The following ZNF787 variants were observed in gnomAD, a reference collection of about 807,000 sequenced individuals.
ZNF787 encodes the protein zinc finger protein 787.
In ZNF787, 7 loss-of-function variants were observed where a neutral mutation model predicts 16.9. That is an observed-to-expected ratio of 0.42 (90% confidence interval 0.24 to 0.78). The LOEUF (loss-of-function observed/expected upper bound fraction) is 0.78. ZNF787 is among the 30% of genes least tolerant of loss of function. The pLI is 0.30. For missense variants in ZNF787, 551 were observed against 589.3 expected, an observed-to-expected ratio of 0.94 and a Z score of 0.67; for synonymous variants, 345 against 270.9, an observed-to-expected ratio of 1.27 and a Z score of -2.69.
chr19:56,088,010 C>A lies in ZNF787; in HGVS notation c.*13G>T. Reference sequence around the variant, plus strand: ...CGAGGGGCCCTGCCCGCCCCCCCCCCCGGGCCCCTCCCCTACCGGCCCTCC... The same window carrying A: ...CGAGGGGCCCTGCCCGCCCCCCCCCACGGGCCCCTCCCCTACCGGCCCTCC... On this transcript the variant is annotated 3_prime_UTR_variant, in exon 3 of 3. Transcript: ENST00000610935. The surrounding 1 kb of genome is among the most constrained non-coding windows in gnomAD (Gnocchi z 8.6). The A allele has an allele frequency of 8.5e-7, 1 of 1,179,438 alleles. No individual in the cohort carries two copies. The highest frequency in any genetic ancestry group is 1.1e-6 in the Non-Finnish European group (1 of 951,014). The allele number at this position is 1,179,438 out of a possible 1,614,324, so 73.1% of individuals were successfully genotyped here.
Position 56,088,096 on chromosome 19 carries a change from C to G in ZNF787, c.1076G>C (p.Gly359Ala), listed in dbSNP as rs745357409. The G allele has an allele frequency of 6.6e-7, 1 of 1,518,510 alleles. No individual in the cohort carries two copies. The highest frequency in any genetic ancestry group is 8.8e-7 in the Non-Finnish European group (1 of 1,141,484). The allele number at this position is 1,518,510 out of a possible 1,614,324, so 94.1% of individuals were successfully genotyped here. The change falls in exon 3 of 3, where the codon GGG (glycine) becomes GCG (alanine). Residue 359 changes from glycine (G) to alanine (A), a missense_variant. Coordinates refer to ENST00000610935, the MANE Select transcript of ZNF787 (RefSeq NM_001002836.4). This position sits in a 1 kb window ranked among gnomAD's most constrained non-coding sequence, Gnocchi z 8.6. ...CTCGTCGTCGTCGTCCTCCTCCTCC[C>G]CGCCCGCGCGGTAGTAGCTCTGTCC... ...SCGQSYYRAG[G>A]EEEDDDDEAA... is the part of the protein sequence containing the mutation.
At chr19:56,092,982 C>T (rs946467161) in intron 2 of ZNF787, among the ~76,000 whole-genome samples, 6 of 149,058 alleles carry the variant, frequency 4.0e-5, no homozygotes, top group African/African-American at 1.3e-4. Flanking sequence ...CACGAGATGG[C>T]GGAAGTGGGA....
chr19:56,087,840 C>CGGGCCCTAAT lies in ZNF787; in HGVS notation c.*173_*182dup, dbSNP rs1005747702. On this transcript the variant is annotated 3_prime_UTR_variant, in exon 3 of 3. Transcript: ENST00000610935. ...CAGAGTCTCGAGGCGGAGAAGTGAA[C>CGGGCCCTAAT]GGGCCCTAATACGCCCCAGTGCCCC... The CGGGCCCTAAT allele has an allele frequency of 2.2e-5, 21 of 971,034 alleles. No individual in the cohort carries two copies. The African/African-American group carries it at 3.6e-4, about 17-fold the overall frequency. 60.2% of individuals were successfully genotyped at this position (971,034 alleles called of 1,614,324 possible).
chr19:56,105,995 C>T (rs1986294390), intron 1 of ZNF787, among the ~76,000 whole-genome samples: 1 of 145,052 alleles, frequency 6.9e-6, no homozygotes, highest in South Asian at 2.2e-4. Context: ...CCCCTCCGCG[C>T]CCACGGCAGT....
At chr19:56,099,263 G>A (rs1985999678) in intron 2 of ZNF787, among the ~76,000 whole-genome samples, 1 of 152,214 alleles carries the variant, frequency 6.6e-6, no homozygotes, top group Admixed American at 6.5e-5. Context: ...CCCCAAGACG[G>A]GACCCTCTGG....
Position 56,088,002 on chromosome 19 carries a change from C to CCCCCCGAGGGGCCCTGCCCG in ZNF787, c.*20_*21insCGGGCAGGGCCCCTCGGGGG, listed in dbSNP as rs1985378171. 1 of 45,538 alleles carries CCCCCCGAGGGGCCCTGCCCG rather than the reference C, an allele frequency of 2.2e-5. No individual in the cohort carries two copies. Among genetic ancestry groups the CCCCCCGAGGGGCCCTGCCCG allele is most frequent in the Non-Finnish European group, 4.2e-5 (1 of 23,934 alleles). 2.8% of individuals were successfully genotyped at this position (45,538 alleles called of 1,614,324 possible). On this transcript the variant is annotated 3_prime_UTR_variant, in exon 3 of 3. Coordinates refer to ENST00000610935, the MANE Select transcript of ZNF787 (RefSeq NM_001002836.4). The surrounding 1 kb of genome is among the most constrained non-coding windows in gnomAD (Gnocchi z 8.6). ...GCCAAGCCCGAGGGGCCCTGCCCGC[C>CCCCCCGAGGGGCCCTGCCCG]CCCCCCCCCGGGCCCCTCCCCTACC...
At chr19:56,096,849 G>A (rs927740267) in intron 2 of ZNF787, among the ~76,000 whole-genome samples, 11 of 152,204 alleles carry the variant, frequency 7.2e-5, no homozygotes, top group Non-Finnish European at 1.5e-4. Flanking sequence ...TTTCCTGTTG[G>A]CACCGCTCCC....
chr19:56,094,473 CTTTTT>C (rs57458324), intron 2 of ZNF787, among the ~76,000 whole-genome samples: 1 of 146,162 alleles, frequency 6.8e-6, no homozygotes, highest in African/African-American at 2.5e-5. Flanking sequence ...CACGCCCCGC[CTTTTT>C]TTTTTTTCTC....
chr19:56,113,596 C>G (rs1198489462), intron 1 of ZNF787, among the ~76,000 whole-genome samples: 1 of 152,026 alleles, frequency 6.6e-6, no homozygotes. Flanking sequence ...AAAACAAGCC[C>G]GATGCAGAAC....
chr19:56,108,488 T>C (rs557611196), intron 1 of ZNF787, among the ~76,000 whole-genome samples: 1 of 151,474 alleles, frequency 6.6e-6, no homozygotes, highest in African/African-American at 2.4e-5. Context: ...GAGGGCCACC[T>C]CCTCAGGGTC....
Position 56,087,883 on chromosome 19 carries a change from G to C in ZNF787, c.*140C>G. 8.0e-7 allele frequency: 1 copy of C among 1,257,502 alleles called. No homozygotes were observed. The highest frequency in any genetic ancestry group is 1.0e-6 in the Non-Finnish European group (1 of 995,588). The allele number at this position is 1,257,502 out of a possible 1,614,324, so 77.9% of individuals were successfully genotyped here. A position where few individuals can be genotyped will look rare whatever the true frequency, so the allele number is the denominator to read the frequency against. ...AGTGCCCCCCCACGGACGGCGCAGGGACAGAGGAGGGCGGGGAGCCGGGGA... is the reference window on the plus strand; with the variant it reads ...AGTGCCCCCCCACGGACGGCGCAGGCACAGAGGAGGGCGGGGAGCCGGGGA... On this transcript the variant is annotated 3_prime_UTR_variant, in exon 3 of 3. Transcript: ENST00000610935.
At chr19:56,110,911 C>A (rs1191576430) in intron 1 of ZNF787, among the ~76,000 whole-genome samples, 1 of 152,232 alleles carries the variant, frequency 6.6e-6, no homozygotes, top group Non-Finnish European at 1.5e-5. Context: ...AGGCACAAGG[C>A]ATGATTCCTG....
At chr19:56,111,967 G>C (rs980530970) in intron 1 of ZNF787, among the ~76,000 whole-genome samples, 1 of 152,154 alleles carries the variant, frequency 6.6e-6, no homozygotes, top group Admixed American at 6.5e-5. Flanking sequence ...GTTAAGACGG[G>C]TGTTCATTCA....
At position 56,088,983 on chromosome 19, in the gene ZNF787, G is replaced by A. The variant is rs1408379412; in HGVS notation, c.189C>T (p.Pro63=). ...PAGPPPRPRP[P]APYICNECGK... is the part of the protein sequence containing the mutation. ...CACACTCGTTGCAGATGTAGGGGGC[G>A]GGCGGCCGCGGCCGGGGAGGCGGGC... Residue 63 remains proline, a synonymous_variant, in exon 3 of 3, where the codon CCC becomes CCT. Transcript: ENST00000610935. This position sits in a 1 kb window ranked among gnomAD's most constrained non-coding sequence, Gnocchi z 8.6. 11 of 1,505,576 alleles carry A rather than the reference G, an allele frequency of 7.3e-6. No homozygotes were observed. The highest frequency in any genetic ancestry group is 8.9e-6 in the Non-Finnish European group (10 of 1,128,956). 93.3% of individuals were successfully genotyped at this position (1,505,576 alleles called of 1,614,324 possible).
At chr19:56,113,803 T>A (rs1055746809) in intron 1 of ZNF787, among the ~76,000 whole-genome samples, 2 of 152,136 alleles carry the variant, frequency 1.3e-5, no homozygotes, top group African/African-American at 4.8e-5. Context: ...AATCAGTGAA[T>A]ACACTAAAAA....
At chr19:56,113,861 G>T (rs1027073829) in intron 1 of ZNF787, among the ~76,000 whole-genome samples, 1 of 152,002 alleles carries the variant, frequency 6.6e-6, no homozygotes, top group East Asian at 1.9e-4. Flanking sequence ...ACAGAGTCTC[G>T]CTTTCTCGCC....
intron 1 of ZNF787, 109 bp from the exon 2 acceptor site, chr19:56,103,336 C>A: frequency 1.0e-6 from 1 of 962,550 alleles, no homozygotes; most frequent in South Asian, 1.8e-5. Context: ...GCACAGCGCC[C>A]GGCAGACAAG....
intron 1 of ZNF787, among the ~76,000 whole-genome samples, chr19:56,117,861 A>T (rs1055993334): frequency 6.6e-6 from 1 of 152,208 alleles, no homozygotes; most frequent in Non-Finnish European, 1.5e-5. Flanking sequence ...TGAGGCAAGG[A>T]CCACTTCTGA....
rs371239965 is a variant in ZNF787 at position 56,088,194 on chromosome 19, G to A, written c.978C>T (p.Phe326=). ...GTCTCCGGAGCGCGGCGCCCTGCACGAAGCCCTCCCCGCACTCCACGCAGA... is the reference window on the plus strand; with the variant it reads ...GTCTCCGGAGCGCGGCGCCCTGCACAAAGCCCTCCCCGCACTCCACGCAGA... The part of the protein sequence containing the change: ...AHICVECGEG[F]VQGAALRRHK... The change falls in exon 3 of 3, where the codon TTC becomes TTT. Residue 326 remains phenylalanine, a synonymous_variant. Coordinates refer to ENST00000610935, the MANE Select transcript of ZNF787 (RefSeq NM_001002836.4). The surrounding 1 kb of genome is among the most constrained non-coding windows in gnomAD (Gnocchi z 8.6). 9.9e-5 allele frequency: 152 copies of A among 1,540,614 alleles called. No homozygotes were observed. The highest frequency in any genetic ancestry group is 1.3e-4 in the Non-Finnish European group (144 of 1,149,650).
Sources: gnomAD v4.1 joint callset for allele counts (sites outside exome capture counted in the v4.1 genomes callset) on GRCh38, gnomAD v4.1.1 for gene constraint, Gnocchi (gnomAD v3.1) non-coding constraint, MANE v1.5 for transcripts, NCBI Gene and HGNC (gene_info 2026-07-23, HGNC 2026-07-21) for gene names.